NRXN3: variants seen among roughly 807,000 people sequenced by gnomAD.
NRXN3 encodes neurexin III.
A neutral mutation model predicts 137.6 loss-of-function variants in NRXN3; 32 were observed. The observed-to-expected ratio is 0.23, with a 90% CI of 0.18 to 0.31. The LOEUF is 0.31. NRXN3 is among the 10% of genes least tolerant of loss of function. The probability of loss-of-function intolerance (pLI) is 1.00; values close to 1 mark genes in which losing one functional copy is unlikely to be tolerated. For synonymous variants in NRXN3, 798 were observed against 784.5 expected (o/e 1.02, Z -0.29); for missense variants, 1,574 against 2,062.5 (o/e 0.76, Z 4.59).
At chr14:79,174,533 A>G (rs1236405343) in intron 15 of NRXN3, among the ~76,000 whole-genome samples, 2 of 149,534 alleles carry the variant, frequency 1.3e-5, no homozygotes, top group East Asian at 1.9e-4. Flanking sequence ...ACACATATAT[A>G]TGCTTTGATC....
intron 4 of NRXN3, among the ~76,000 whole-genome samples, chr14:78,326,615 GGAA>G (rs1415421626): frequency 1.3e-5 from 2 of 152,208 alleles, no homozygotes; most frequent in African/African-American, 2.4e-5. Flanking sequence ...GTTTGTGCAG[GGAA>G]AGAGAAGTTA....
At chr14:78,386,720 T>C (rs189692320) in intron 4 of NRXN3, among the ~76,000 whole-genome samples, 2 of 152,214 alleles carry the variant, frequency 1.3e-5, no homozygotes, top group African/African-American at 4.8e-5. Context: ...ATTCTAAGGG[T>C]GGTGCCATGT....
intron 10 of NRXN3, among the ~76,000 whole-genome samples, chr14:78,881,558 A>T (rs1440307902): frequency 6.6e-6 from 1 of 151,436 alleles, no homozygotes; most frequent in African/African-American, 2.5e-5. Context: ...TGCTCTAGAG[A>T]TCTGTGGAAC....
intron 16 of NRXN3, among the ~76,000 whole-genome samples, chr14:79,492,443 C>T (rs1049676650): frequency 1.3e-5 from 2 of 151,880 alleles, no homozygotes; most frequent in Admixed American, 1.3e-4. Context: ...AGTGCAGTGG[C>T]GCCATCTCGC....
chr14:78,210,556 T>C (rs1279484187), intron 1 of NRXN3, among the ~76,000 whole-genome samples: 1 of 152,186 alleles, frequency 6.6e-6, no homozygotes, highest in Non-Finnish European at 1.5e-5. Context: ...CTCAATTTTC[T>C]AAGTGTACAA....
chr14:79,418,042 A>C (rs1013693163), intron 15 of NRXN3, among the ~76,000 whole-genome samples: 9 of 152,170 alleles, frequency 5.9e-5, no homozygotes, highest in Non-Finnish European at 8.8e-5. Flanking sequence ...ATAAGAGGGA[A>C]AAGTCTGCTC....
chr14:79,368,096 G>A (rs148303556), intron 15 of NRXN3, among the ~76,000 whole-genome samples: 28 of 152,256 alleles, frequency 1.8e-4, no homozygotes, highest in African/African-American at 6.5e-4. Context: ...ACATGATACT[G>A]ACTTTGTCAA....
intron 4 of NRXN3, among the ~76,000 whole-genome samples, chr14:78,644,793 G>A (rs957985114): frequency 8.5e-5 from 13 of 152,170 alleles, no homozygotes; most frequent in African/African-American, 2.9e-4. Context: ...TGAAGCAAAA[G>A]CAACTCGAGC....
chr14:79,287,818 T>A (rs991324226), intron 15 of NRXN3, among the ~76,000 whole-genome samples: 2 of 152,252 alleles, frequency 1.3e-5, no homozygotes, highest in African/African-American at 4.8e-5. Context: ...TTAGACATTC[T>A]GTGTGATACC....
At chr14:79,442,737 G>A (rs139665711) in intron 15 of NRXN3, among the ~76,000 whole-genome samples, 2 of 152,316 alleles carry the variant, frequency 1.3e-5, no homozygotes, top group South Asian at 2.1e-4. Flanking sequence ...AGCCTGATTT[G>A]CTGATTTTAT....
intron 4 of NRXN3, among the ~76,000 whole-genome samples, chr14:78,617,940 C>T (rs1331683454): frequency 6.8e-6 from 1 of 147,758 alleles, no homozygotes; most frequent in Non-Finnish European, 1.5e-5. Context: ...ATTACTTTTG[C>T]ACCAACTTTG....
intron 16 of NRXN3, among the ~76,000 whole-genome samples, chr14:79,533,743 A>G (rs1203244857): frequency 6.6e-6 from 1 of 152,186 alleles, no homozygotes; most frequent in African/African-American, 2.4e-5. Context: ...ATCGACAATA[A>G]TAATCACAAT....
intron 19 of NRXN3, among the ~76,000 whole-genome samples, chr14:79,730,135 T>C (rs2098916532): frequency 1.3e-5 from 2 of 152,166 alleles, no homozygotes; most frequent in Admixed American, 6.6e-5. Flanking sequence ...CGGAGTTTGA[T>C]AGGGAAGGGC....
intron 16 of NRXN3, among the ~76,000 whole-genome samples, chr14:79,604,264 T>C (rs2097968245): frequency 6.6e-6 from 1 of 151,884 alleles, no homozygotes; most frequent in African/African-American, 2.4e-5. Flanking sequence ...AGATGGAGTT[T>C]CACTCTGTCA....
At chr14:78,558,589 G>A (rs1433243160) in intron 4 of NRXN3, among the ~76,000 whole-genome samples, 1 of 152,076 alleles carries the variant, frequency 6.6e-6, no homozygotes, top group East Asian at 1.9e-4. Flanking sequence ...CCTTTAGGGG[G>A]CATCTTTTCT....
At chr14:78,660,059 G>A (rs2097824478) in intron 6 of NRXN3, among the ~76,000 whole-genome samples, 2 of 152,152 alleles carry the variant, frequency 1.3e-5, no homozygotes, top group African/African-American at 4.8e-5. Context: ...AACCAGGTGT[G>A]AACATTTAGC....
intron 16 of NRXN3, among the ~76,000 whole-genome samples, chr14:79,582,601 A>G (rs977433676): frequency 4.7e-5 from 7 of 149,780 alleles, no homozygotes; most frequent in African/African-American, 1.7e-4. Context: ...TTTTTTTTCT[A>G]GTAGAGATGG....
chr14:78,298,270 C>T (rs894508604), intron 4 of NRXN3, among the ~76,000 whole-genome samples: 3 of 152,352 alleles, frequency 2.0e-5, no homozygotes, highest in Admixed American at 1.3e-4. Flanking sequence ...AGGAGCTGGG[C>T]TCCTCCCTGA....
intron 10 of NRXN3, among the ~76,000 whole-genome samples, chr14:78,939,517 C>A (rs1162755022): frequency 6.6e-6 from 1 of 152,176 alleles, no homozygotes; most frequent in Non-Finnish European, 1.5e-5. Context: ...GAAAGGGATA[C>A]AACAGCTGGG....
Sources: allele counts gnomAD v4.1 joint callset (sites outside exome capture counted in the v4.1 genomes callset), GRCh38; gene constraint gnomAD v4.1.1; transcripts MANE v1.5; gene names NCBI Gene and HGNC (gene_info 2026-07-23, HGNC 2026-07-21).